The following RAB27B variants were observed in gnomAD, a reference collection of about 807,000 sequenced individuals.
The protein encoded by RAB27B is RAB27B, member RAS oncogene family, also known as ras-related protein Rab-27B.
Under a neutral mutation model 24.6 loss-of-function variants are expected in RAB27B, and 15 were observed. That is an observed-to-expected ratio of 0.61 (90% CI 0.41 to 0.94). The LOEUF (loss-of-function observed/expected upper bound fraction) is 0.94, where lower values mean the gene tolerates loss of function less well. Ranked by LOEUF, RAB27B falls within the 40% of genes least tolerant of loss-of-function variation. RAB27B has a pLI of 0.00. For synonymous variants in RAB27B, 105 were observed against 92.5 expected, an observed-to-expected ratio of 1.14 and a Z score of -0.78; for missense variants, 261 against 266.8, an observed-to-expected ratio of 0.98 and a Z score of 0.15.
intron 2 of RAB27B, among the ~76,000 whole-genome samples, chr18:54,737,920 T>A (rs1187958505): frequency 6.6e-6 from 1 of 152,180 alleles, no homozygotes; most frequent in Non-Finnish European, 1.5e-5. Flanking sequence ...GTGTCAGACA[T>A]ACTTCTTGCC....
chr18:54,811,221 G>A (rs1909955150), intron 2 of RAB27B, among the ~76,000 whole-genome samples: 1 of 152,100 alleles, frequency 6.6e-6, no homozygotes, highest in Non-Finnish European at 1.5e-5. Context: ...TCTGAGATAG[G>A]TCTCAATCAA....
chr18:54,752,825 C>T (rs59219732), intron 2 of RAB27B, among the ~76,000 whole-genome samples: 9,447 of 152,138 alleles, frequency 0.062, 372 homozygotes, highest in Admixed American at 0.087. Context: ...TTTATAGTTG[C>T]CTGCCTTGGG....
intron 2 of RAB27B, among the ~76,000 whole-genome samples, chr18:54,796,896 A>G (rs1351209517): frequency 6.6e-6 from 1 of 152,198 alleles, no homozygotes; most frequent in Non-Finnish European, 1.5e-5. Context: ...TGATAGTTGT[A>G]ATAAGAGTTT....
chr18:54,790,835 G>T (rs779519012), intron 2 of RAB27B, among the ~76,000 whole-genome samples: 14 of 152,140 alleles, frequency 9.2e-5, no homozygotes, highest in Non-Finnish European at 2.1e-4. Flanking sequence ...TTTAGCACTT[G>T]TAGAATTATC....
chr18:54,878,357 C>G (rs1912789217), intron 2 of RAB27B, among the ~76,000 whole-genome samples: 1 of 152,144 alleles, frequency 6.6e-6, no homozygotes. Flanking sequence ...AGATGTGTAG[C>G]ATAGGCACAG....
At position 54,726,714 on chromosome 18, in the gene RAB27B, G is replaced by C. The variant is rs183654615; in HGVS notation, c.-20+8573G>C. Among the ~76,000 whole-genome samples the C allele has an allele frequency of 4.6e-5, 7 of 151,582 alleles. No individual in the cohort carries two copies. The East Asian group carries it at 1.4e-3, about 29-fold the overall frequency. ...TTGTAAAACATATTATGATTTATAT[G>C]ATTTTCTTTGTATAAACACTTCTAC... is the stretch of plus-strand genomic sequence containing the variant. On this transcript the variant is annotated intron_variant, in intron 2 of 4. Coordinates refer to the RAB27B transcript ENST00000586570.
At position 54,807,050 on chromosome 18, in the gene RAB27B, G is replaced by A. The variant is rs567187165; in HGVS notation, c.-19-70517G>A. On this transcript the variant is annotated intron_variant, in intron 2 of 4. Transcript: ENST00000586570. ...TGAGTAGCTGGGACTACAGGTGCAC[G>A]CCACCACACTCAGCTAATTTTTGTA... 1.2e-4 allele frequency among the ~76,000 whole-genome samples: 19 copies of A among 152,170 alleles called. No individual in the cohort carries two copies. The South Asian group carries it at 2.7e-3, about 22-fold the overall frequency.
intron 1 of RAB27B, among the ~76,000 whole-genome samples, chr18:54,843,283 T>C (rs573686257): frequency 6.6e-6 from 1 of 152,268 alleles, no homozygotes; most frequent in Non-Finnish European, 1.5e-5. Context: ...TACAATAAAT[T>C]AATGCCCTGT....
chr18:54,764,472 C>T (rs975016316), intron 2 of RAB27B, among the ~76,000 whole-genome samples: 9 of 152,122 alleles, frequency 5.9e-5, no homozygotes, highest in African/African-American at 2.2e-4. Flanking sequence ...CTTTTCTCGT[C>T]TGCACAATGG....
At chr18:54,728,923 A>AAC (rs1555651003) in intron 2 of RAB27B, among the ~76,000 whole-genome samples, 2 of 144,582 alleles carry the variant, frequency 1.4e-5, no homozygotes, top group Non-Finnish European at 3.0e-5. Flanking sequence ...AAAAAAAAAA[A>AAC]CCACCACCAA....
chr18:54,830,532 A>G (rs1372788204), intron 1 of RAB27B, among the ~76,000 whole-genome samples: 1 of 152,248 alleles, frequency 6.6e-6, no homozygotes, highest in Non-Finnish European at 1.5e-5. Flanking sequence ...AATGATTTCA[A>G]TAAAAACAGA....
chr18:54,820,316 C>A (rs914183375), intron 2 of RAB27B, among the ~76,000 whole-genome samples: 1 of 152,180 alleles, frequency 6.6e-6, no homozygotes, highest in Non-Finnish European at 1.5e-5. Flanking sequence ...GCCATTCTAA[C>A]TGGTGTGAGA....
intron 1 of RAB27B, among the ~76,000 whole-genome samples, chr18:54,842,827 T>C (rs1341179206): frequency 6.6e-6 from 1 of 152,140 alleles, no homozygotes; most frequent in Admixed American, 6.5e-5. Context: ...TGGAGTCTCA[T>C]TCTGTTGGCC....
At chr18:54,788,370 T>C (rs1909153532) in intron 2 of RAB27B, among the ~76,000 whole-genome samples, 1 of 152,206 alleles carries the variant, frequency 6.6e-6, no homozygotes. Flanking sequence ...TGGCACGATC[T>C]CAGCTCACTG....
At chr18:54,745,476 T>TCAG (rs1448781137) in intron 2 of RAB27B, 1 of 153,844 alleles carries the variant, frequency 6.5e-6, no homozygotes, top group East Asian at 1.9e-4. Flanking sequence ...CTGGGCCCAC[T>TCAG]CAGCAGTTCC....
At chr18:54,744,708 A>G (rs1435375507) in intron 2 of RAB27B, 1 of 152,786 alleles carries the variant, frequency 6.5e-6, no homozygotes, top group Non-Finnish European at 1.5e-5. Context: ...ATATGACATT[A>G]TTCTGAATTC....
intron 2 of RAB27B, among the ~76,000 whole-genome samples, chr18:54,750,018 A>T (rs1301219221): frequency 6.6e-6 from 1 of 152,196 alleles, no homozygotes; most frequent in Non-Finnish European, 1.5e-5. Context: ...GGGATTTTGC[A>T]TCAATTAATG....
intron 2 of RAB27B, among the ~76,000 whole-genome samples, chr18:54,745,917 A>G (rs1910230176): frequency 6.6e-6 from 1 of 151,070 alleles, no homozygotes; most frequent in African/African-American, 2.4e-5. Context: ...TGGCCAAGAT[A>G]AATAGATACA....
chr18:54,831,782 T>C (rs982143271), intron 1 of RAB27B, among the ~76,000 whole-genome samples: 2 of 136,168 alleles, frequency 1.5e-5, no homozygotes, highest in African/African-American at 6.0e-5. Flanking sequence ...TTTTTTTTTC[T>C]TTTTTTTTAA....
Sources: allele counts gnomAD v4.1 joint callset (sites outside exome capture counted in the v4.1 genomes callset), GRCh38; gene constraint gnomAD v4.1.1; transcripts MANE v1.5; gene names NCBI Gene and HGNC (gene_info 2026-07-23, HGNC 2026-07-21).